Variants in KCNK13 observed in about 807,000 individuals in gnomAD.
The protein encoded by KCNK13 is potassium two pore domain channel subfamily K member 13.
KCNK13 carries 12 observed loss-of-function variants against 23.4 expected under a neutral mutation model. The observed-to-expected ratio is 0.51, with a 90% confidence interval of 0.33 to 0.83. The LOEUF (loss-of-function observed/expected upper bound fraction) is 0.83, where lower values mean the gene tolerates loss of function less well. KCNK13 is among the 40% of genes least tolerant of loss of function. KCNK13 has a pLI of 0.02. For synonymous variants in KCNK13, 231 were observed against 229.5 expected (o/e 1.01, Z -0.06); for missense variants, 463 against 556.3 (o/e 0.83, Z 1.69).
intron 1 of KCNK13, among the ~76,000 whole-genome samples, chr14:90,181,194 G>T (rs1193129211): frequency 6.6e-6 from 1 of 152,208 alleles, no homozygotes; most frequent in East Asian, 1.9e-4. Flanking sequence ...CTCAGCCTTG[G>T]ATGCTGGGGT....
intron 1 of KCNK13, among the ~76,000 whole-genome samples, chr14:90,183,831 C>T (rs552170344): frequency 2.6e-5 from 4 of 152,300 alleles, no homozygotes; most frequent in South Asian, 2.1e-4. Context: ...ACATTCTTGT[C>T]ACCAAGCCAT....
At chr14:90,092,912 C>CAAAAAAA (rs34122207) in intron 1 of KCNK13, among the ~76,000 whole-genome samples, 3,003 of 78,230 alleles carry the variant, frequency 0.038, 123 homozygotes, top group South Asian at 0.049. Flanking sequence ...ACCCTGTCTC[C>CAAAAAAA]AAAAAAAAAA....
At chr14:90,073,036 C>T (rs1889094407) in intron 1 of KCNK13, among the ~76,000 whole-genome samples, 2 of 152,172 alleles carry the variant, frequency 1.3e-5, no homozygotes, top group South Asian at 4.1e-4. Context: ...TCTGAAGCCA[C>T]CCAGCTGGAA....
intron 1 of KCNK13, among the ~76,000 whole-genome samples, chr14:90,080,178 G>A (rs1483556069): frequency 6.6e-6 from 1 of 152,182 alleles, no homozygotes; most frequent in Non-Finnish European, 1.5e-5. Flanking sequence ...TGAAGGCCAG[G>A]TGTGGTGGCT....
chr14:90,147,136 T>C (rs898830977), intron 1 of KCNK13, among the ~76,000 whole-genome samples: 9 of 152,252 alleles, frequency 5.9e-5, no homozygotes, highest in African/African-American at 9.6e-5. Flanking sequence ...CTGCAAACTC[T>C]TATTTCATAT....
At chr14:90,128,121 C>G (rs1168860599) in intron 1 of KCNK13, among the ~76,000 whole-genome samples, 2 of 152,142 alleles carry the variant, frequency 1.3e-5, no homozygotes, top group African/African-American at 4.8e-5. Flanking sequence ...GACCCTCTGG[C>G]CTATGGAGGA....
intron 1 of KCNK13, among the ~76,000 whole-genome samples, chr14:90,167,383 A>T (rs9652394): frequency 6.6e-6 from 1 of 152,016 alleles, no homozygotes; most frequent in Non-Finnish European, 1.5e-5. Context: ...TGGAAGCATA[A>T]CATTTATTGA....
intron 1 of KCNK13, among the ~76,000 whole-genome samples, chr14:90,138,064 G>GA (rs1889959885): frequency 1.3e-5 from 2 of 151,952 alleles, no homozygotes; most frequent in Admixed American, 1.3e-4. Flanking sequence ...CCATAACAGA[G>GA]AAAAAAATGT....
intron 1 of KCNK13, among the ~76,000 whole-genome samples, chr14:90,075,878 C>T (rs1385938056): frequency 2.6e-5 from 4 of 152,206 alleles, no homozygotes; most frequent in African/African-American, 7.2e-5. Context: ...ATTTAAACCC[C>T]ATTGGATCTC....
intron 1 of KCNK13, among the ~76,000 whole-genome samples, chr14:90,070,840 G>A (rs1188114039): frequency 6.6e-6 from 1 of 152,214 alleles, no homozygotes; most frequent in Non-Finnish European, 1.5e-5. Flanking sequence ...AACTGGAAGA[G>A]TAGCTGGTGA....
At chr14:90,167,879 T>G (rs1461018690) in intron 1 of KCNK13, among the ~76,000 whole-genome samples, 3 of 152,194 alleles carry the variant, frequency 2.0e-5, no homozygotes, top group African/African-American at 7.2e-5. Flanking sequence ...AACACTTTCC[T>G]CTCTTCACTT....
chr14:90,116,881 T>C (rs568367546), intron 1 of KCNK13, among the ~76,000 whole-genome samples: 145 of 152,310 alleles, frequency 9.5e-4, no homozygotes, highest in African/African-American at 3.1e-3. Flanking sequence ...CACGTCAAAA[T>C]ACAGTAATTC....
At chr14:90,082,367 CTCTTT>C (rs1467141794) in intron 1 of KCNK13, among the ~76,000 whole-genome samples, 4 of 152,036 alleles carry the variant, frequency 2.6e-5, no homozygotes, top group Non-Finnish European at 2.9e-5. Flanking sequence ...GCCTGGCCTC[CTCTTT>C]TCTTTATTAA....
chr14:90,127,608 T>G (rs1248452407), intron 1 of KCNK13, among the ~76,000 whole-genome samples: 1 of 148,488 alleles, frequency 6.7e-6, no homozygotes, highest in African/African-American at 2.5e-5. Flanking sequence ...AATCCAGGAG[T>G]TTGAGACCAG....
chr14:90,144,587 C>T (rs997764481), intron 1 of KCNK13, among the ~76,000 whole-genome samples: 2 of 145,532 alleles, frequency 1.4e-5, no homozygotes, highest in Admixed American at 1.5e-4. Context: ...ACCTCTGCCT[C>T]CCAGGTTCAA....
chr14:90,093,470 A>G (rs1889372953), intron 1 of KCNK13, among the ~76,000 whole-genome samples: 1 of 152,084 alleles, frequency 6.6e-6, no homozygotes, highest in African/African-American at 2.4e-5. Context: ...TATTGCCCTG[A>G]TTTCTCTTTG....
chr14:90,091,518 T>A (rs1889343199), intron 1 of KCNK13, among the ~76,000 whole-genome samples: 1 of 152,158 alleles, frequency 6.6e-6, no homozygotes, highest in South Asian at 2.1e-4. Flanking sequence ...AAAAATAGCA[T>A]CTCTAAGGTC....
intron 1 of KCNK13, among the ~76,000 whole-genome samples, chr14:90,091,154 A>G (rs1298162537): frequency 6.6e-6 from 1 of 152,186 alleles, no homozygotes; most frequent in Non-Finnish European, 1.5e-5. Flanking sequence ...CAGAATCTCA[A>G]GAAAGAGTTA....
At chr14:90,165,344 T>A (rs923658286) in intron 1 of KCNK13, among the ~76,000 whole-genome samples, 4 of 147,120 alleles carry the variant, frequency 2.7e-5, no homozygotes, top group Non-Finnish European at 5.9e-5. Context: ...ACAGCTCATC[T>A]TCTTCTGCTT....
Sources: gnomAD v4.1 joint callset for allele counts (sites outside exome capture counted in the v4.1 genomes callset) on GRCh38, gnomAD v4.1.1 for gene constraint, MANE v1.5 for transcripts, NCBI Gene and HGNC (gene_info 2026-07-23, HGNC 2026-07-21) for gene names.